AUTS2: variants seen among roughly 807,000 people sequenced by gnomAD.
The protein encoded by AUTS2 is activator of transcription and developmental regulator AUTS2.
Under a neutral mutation model 112.4 loss-of-function variants are expected in AUTS2, and 17 were observed. The observed-to-expected ratio is 0.15, with a 90% CI of 0.10 to 0.23. The LOEUF (loss-of-function observed/expected upper bound fraction) is 0.23. Among genes scored for constraint, AUTS2 ranks in the 10% least tolerant of loss-of-function variants. The pLI, the probability that AUTS2 is intolerant of heterozygous loss-of-function variation, is 1.00. For missense variants in AUTS2, 1,510 were observed against 1,701.6 expected, an observed-to-expected ratio of 0.89 and a Z score of 1.98; for synonymous variants, 751 against 702.7, an observed-to-expected ratio of 1.07 and a Z score of -1.09.
chr7:70,073,096 CCTT>C (rs1039446681), intron 2 of AUTS2, among the ~76,000 whole-genome samples: 1 of 140,212 alleles, frequency 7.1e-6, no homozygotes, highest in Non-Finnish European at 1.6e-5. Flanking sequence ...TTTCTCCTCT[CCTT>C]TTTTTTTTCT....
chr7:70,606,640 C>T (rs539208641), intron 5 of AUTS2, among the ~76,000 whole-genome samples: 3 of 152,070 alleles, frequency 2.0e-5, no homozygotes, highest in African/African-American at 4.8e-5. Flanking sequence ...GCAGGCAGAT[C>T]GCCTGAGGTC....
intron 1 of AUTS2, among the ~76,000 whole-genome samples, chr7:69,634,568 A>G (rs181290645): frequency 1.3e-5 from 2 of 152,324 alleles, no homozygotes; most frequent in Admixed American, 6.5e-5. Flanking sequence ...TTGAAAATCT[A>G]GACTTGTAGC....
intron 5 of AUTS2, among the ~76,000 whole-genome samples, chr7:70,638,529 C>T (rs999810153): frequency 6.6e-6 from 1 of 152,144 alleles, no homozygotes; most frequent in Admixed American, 6.5e-5. Context: ...TACAGTATTA[C>T]ACACATGCCT....
chr7:69,935,213 G>A (rs1280955274), intron 2 of AUTS2, among the ~76,000 whole-genome samples: 1 of 152,152 alleles, frequency 6.6e-6, no homozygotes, highest in Non-Finnish European at 1.5e-5. Context: ...GTGCATGCCA[G>A]GAGAGAGTTG....
chr7:70,629,496 G>A (rs1675667387), intron 5 of AUTS2, among the ~76,000 whole-genome samples: 1 of 151,268 alleles, frequency 6.6e-6, no homozygotes, highest in Admixed American at 6.6e-5. Context: ...AAAAAAAAAA[G>A]CCCACAGCTA....
At chr7:70,741,430 G>A (rs775870002) in intron 6 of AUTS2, among the ~76,000 whole-genome samples, 5 of 152,022 alleles carry the variant, frequency 3.3e-5, no homozygotes, top group Admixed American at 6.5e-5. Context: ...GGTGGCTTAC[G>A]CCTGTAATTC....
At chr7:70,665,451 C>CTATCTATTTATT (rs1554455008) in intron 5 of AUTS2, among the ~76,000 whole-genome samples, 8 of 147,016 alleles carry the variant, frequency 5.4e-5, no homozygotes, top group African/African-American at 1.8e-4. Flanking sequence ...ATCTATTTAT[C>CTATCTATTTATT]TATTTATTTA....
chr7:70,741,903 T>C (rs1788137143), intron 6 of AUTS2, among the ~76,000 whole-genome samples: 1 of 152,140 alleles, frequency 6.6e-6, no homozygotes, highest in Non-Finnish European at 1.5e-5. Flanking sequence ...CACAGTCAGC[T>C]GAGGAAGGCA....
chr7:69,617,180 G>A (rs1335715131), intron 1 of AUTS2, among the ~76,000 whole-genome samples: 1 of 152,004 alleles, frequency 6.6e-6, no homozygotes, highest in Non-Finnish European at 1.5e-5. Context: ...TTATAATGTT[G>A]ATGAGAAAAA....
At chr7:70,184,920 C>T (rs1445334321) in intron 4 of AUTS2, among the ~76,000 whole-genome samples, 1 of 152,142 alleles carries the variant, frequency 6.6e-6, no homozygotes, top group East Asian at 1.9e-4. Flanking sequence ...TCTGTACTTA[C>T]AGCATAACTA....
chr7:70,161,089 T>G (rs1161591599), intron 4 of AUTS2, among the ~76,000 whole-genome samples: 2 of 152,202 alleles, frequency 1.3e-5, no homozygotes, highest in Non-Finnish European at 1.5e-5. Flanking sequence ...TATCTCTCTC[T>G]CTCCTTTTTT....
chr7:70,429,363 G>T (rs1175638256), intron 4 of AUTS2, among the ~76,000 whole-genome samples: 3 of 152,224 alleles, frequency 2.0e-5, no homozygotes, highest in Admixed American at 2.0e-4. Context: ...GTACAGTTTT[G>T]TAAGGGATGG....
chr7:70,786,862 C>T, intron 17 of AUTS2: 1 of 371,320 alleles, frequency 2.7e-6, no homozygotes, highest in South Asian at 2.2e-5. Flanking sequence ...TAATCCAAAT[C>T]CCACCATCAT....
At chr7:70,434,936 T>A (rs1795828294) in intron 4 of AUTS2, among the ~76,000 whole-genome samples, 1 of 152,226 alleles carries the variant, frequency 6.6e-6, no homozygotes, top group Non-Finnish European at 1.5e-5. Flanking sequence ...ACTTCATTTT[T>A]TTTAAGTTGT....
At chr7:70,633,197 G>A (rs1309596924) in intron 5 of AUTS2, among the ~76,000 whole-genome samples, 6 of 152,128 alleles carry the variant, frequency 3.9e-5, no homozygotes, top group Non-Finnish European at 2.9e-5. Context: ...AAATCAGAGC[G>A]AGGGTCCCCC....
intron 4 of AUTS2, among the ~76,000 whole-genome samples, chr7:70,425,353 T>G (rs1795388648): frequency 6.6e-6 from 1 of 152,226 alleles, no homozygotes; most frequent in South Asian, 2.1e-4. Flanking sequence ...TTCATATTCA[T>G]TCTGCCTTCC....
chr7:70,546,496 G>A (rs1012625626), intron 5 of AUTS2, among the ~76,000 whole-genome samples: 1 of 149,596 alleles, frequency 6.7e-6, no homozygotes, highest in African/African-American at 2.5e-5. Flanking sequence ...AAATCATTCA[G>A]GGCCAGGCGT....
At chr7:70,451,911 C>T (rs1444919992) in intron 5 of AUTS2, among the ~76,000 whole-genome samples, 1 of 152,140 alleles carries the variant, frequency 6.6e-6, no homozygotes, top group Non-Finnish European at 1.5e-5. Flanking sequence ...CACCCAGCAG[C>T]AGCCAGGTCG....
At chr7:70,445,580 G>A (rs1796288317) in intron 5 of AUTS2, among the ~76,000 whole-genome samples, 1 of 152,180 alleles carries the variant, frequency 6.6e-6, no homozygotes, top group African/African-American at 2.4e-5. Context: ...CTGGAATGCA[G>A]TTATCCAAGG....
Sources: gnomAD v4.1 joint callset for allele counts (sites outside exome capture counted in the v4.1 genomes callset) on GRCh38, gnomAD v4.1.1 for gene constraint, MANE v1.5 for transcripts, NCBI Gene and HGNC (gene_info 2026-07-23, HGNC 2026-07-21) for gene names.